Variants in CLIP4 observed in about 807,000 individuals in gnomAD.
The protein encoded by CLIP4 is CAP-Gly domain containing linker protein family member 4, also known as CAP-Gly domain-containing linker protein 4.
A neutral mutation model predicts 73.1 loss-of-function variants in CLIP4; 47 were observed. The ratio of observed to expected loss-of-function variants is 0.64; its 90% CI spans 0.51 to 0.82. The LOEUF (loss-of-function observed/expected upper bound fraction) is 0.82, where lower values mean the gene tolerates loss of function less well. Among genes scored for constraint, CLIP4 ranks in the 40% least tolerant of loss-of-function variants. The pLI is 0.00. For synonymous variants in CLIP4, 306 were observed against 295.4 expected (o/e 1.04, Z -0.37); for missense variants, 874 against 852.9 (o/e 1.02, Z -0.31).
chr2:29,152,751 C>T lies in CLIP4; in HGVS notation c.1088C>T (p.Pro363Leu). The T allele has an allele frequency of 6.2e-7, 1 of 1,613,778 alleles. No homozygotes were observed. Among genetic ancestry groups the T allele is most frequent in the Non-Finnish European group, 8.5e-7 (1 of 1,179,812 alleles). Residue 363 changes from proline to leucine, a missense_variant, in exon 9 of 16, where the codon CCT becomes CTT. Transcript: ENST00000320081. ...CGAAGGAAGAATATAACACACACTCCTTCTACAAAAGCTGCTGTACCTCTC... is the reference window on the plus strand; with the variant it reads ...CGAAGGAAGAATATAACACACACTCTTTCTACAAAAGCTGCTGTACCTCTC... ...KGRRKNITHT[P>L]STKAAVPLIR...
intron 3 of CLIP4, 76 bp from the exon 4 acceptor site, chr2:29,132,076 G>A: frequency 9.9e-7 from 1 of 1,009,344 alleles, no homozygotes; most frequent in African/African-American, 1.6e-5. Context: ...GACTAACTTG[G>A]TTCCTCAGCA....
chr2:29,133,440 A>T (rs551580827), intron 4 of CLIP4, among the ~76,000 whole-genome samples: 1 of 152,212 alleles, frequency 6.6e-6, no homozygotes, highest in Admixed American at 6.5e-5. Flanking sequence ...TATATTAACA[A>T]TAAGAGTGCA....
Position 29,163,964 on chromosome 2 carries a change from T to G in CLIP4, c.1658+10T>G, listed in dbSNP as rs1573003059. ...CATCCAGGGTGCAAAGGTGAGAGAA[T>G]GAAATTTATGTTTATTTACAGAAAC... is the stretch of plus-strand genomic sequence containing the variant. On this transcript the variant is annotated intron_variant, in intron 13 of 15. Transcript: ENST00000320081. The G allele has an allele frequency of 6.2e-6, 10 of 1,607,016 alleles. No individual in the cohort carries two copies. The East Asian group carries it at 2.2e-4, about 36-fold the overall frequency.
chr2:29,142,189 A>C (rs1244017240), intron 6 of CLIP4, among the ~76,000 whole-genome samples: 2 of 152,272 alleles, frequency 1.3e-5, no homozygotes, highest in South Asian at 2.1e-4. Context: ...TTATAGGTCC[A>C]GTCTGGTGGT....
At chr2:29,108,427 C>A (rs138490297) in intron 1 of CLIP4, among the ~76,000 whole-genome samples, 1 of 152,044 alleles carries the variant, frequency 6.6e-6, no homozygotes, top group Non-Finnish European at 1.5e-5. Context: ...AGATCCCAGG[C>A]GGGACGGGGC....
At chr2:29,127,845 T>A (rs1664709591) in intron 2 of CLIP4, among the ~76,000 whole-genome samples, 1 of 152,158 alleles carries the variant, frequency 6.6e-6, no homozygotes, top group African/African-American at 2.4e-5. Flanking sequence ...AAAATGTCCA[T>A]AGTTACAGAT....
chr2:29,147,943 A>G (rs557041533), intron 8 of CLIP4, among the ~76,000 whole-genome samples: 42 of 152,296 alleles, frequency 2.8e-4, no homozygotes, highest in African/African-American at 9.9e-4. Context: ...CAAGCAGATT[A>G]AGGGCAGGAT....
At chr2:29,136,952 C>G (rs1180022680) in intron 6 of CLIP4, among the ~76,000 whole-genome samples, 1 of 149,386 alleles carries the variant, frequency 6.7e-6, no homozygotes, top group African/African-American at 2.5e-5. Context: ...AAAATAACTA[C>G]TTAAAAAAAA....
intron 1 of CLIP4, among the ~76,000 whole-genome samples, chr2:29,118,912 G>C (rs1664063577): frequency 6.6e-6 from 1 of 152,162 alleles, no homozygotes; most frequent in South Asian, 2.1e-4. Context: ...ATGAAAGTGT[G>C]TACTCAGTTC....
chr2:29,109,712 A>G (rs528829073), intron 1 of CLIP4, among the ~76,000 whole-genome samples: 2 of 152,236 alleles, frequency 1.3e-5, no homozygotes, highest in East Asian at 3.9e-4. Flanking sequence ...GGAACATGCA[A>G]ATTCCTTTGT....
intron 14 of CLIP4, 91 bp downstream of exon 14, chr2:29,167,631 G>T: frequency 1.2e-6 from 1 of 835,264 alleles, no homozygotes; most frequent in Non-Finnish European, 1.8e-6. Flanking sequence ...ATACAAAAGG[G>T]TCTATAAACT....
chr2:29,144,025 T>A (rs1443869738), intron 7 of CLIP4, 80 bp downstream of exon 7: 14 of 1,156,854 alleles, frequency 1.2e-5, no homozygotes, highest in Non-Finnish European at 1.8e-5. Flanking sequence ...ATGGTCAGAG[T>A]TTTGAGTTTT....
chr2:29,145,556 G>C (rs1474462141), intron 8 of CLIP4, among the ~76,000 whole-genome samples, 189 bp downstream of exon 8: 1 of 152,188 alleles, frequency 6.6e-6, no homozygotes. Context: ...GGCGACGTGA[G>C]AGGGAGAAAT....
At chr2:29,149,588 C>CAGTT (rs1666410091) in intron 8 of CLIP4, among the ~76,000 whole-genome samples, 1 of 151,662 alleles carries the variant, frequency 6.6e-6, no homozygotes, top group African/African-American at 2.4e-5. Flanking sequence ...TTAAGCCTTA[C>CAGTT]AGTTACATGT....
At chr2:29,168,497 A>G (rs1338327061) in intron 14 of CLIP4, among the ~76,000 whole-genome samples, 1 of 146,922 alleles carries the variant, frequency 6.8e-6, no homozygotes, top group Admixed American at 6.8e-5. Context: ...ATAGCAAAAC[A>G]GGTTATGGTT....
At chr2:29,164,922 T>C (rs1316737635) in intron 13 of CLIP4, among the ~76,000 whole-genome samples, 1 of 152,248 alleles carries the variant, frequency 6.6e-6, no homozygotes. Context: ...GTTTATAAAG[T>C]ATTTTCACTT....
chr2:29,123,069 C>G (rs992253041), intron 2 of CLIP4, among the ~76,000 whole-genome samples: 1 of 152,154 alleles, frequency 6.6e-6, no homozygotes, highest in African/African-American at 2.4e-5. Flanking sequence ...AAATTGGTCT[C>G]CCTGAAATTT....
At chr2:29,167,009 G>T (rs1376247690) in intron 13 of CLIP4, among the ~76,000 whole-genome samples, 1 of 152,148 alleles carries the variant, frequency 6.6e-6, no homozygotes, top group Non-Finnish European at 1.5e-5. Flanking sequence ...TTGTGGCTTA[G>T]AGTCAAGTAT....
chr2:29,172,742 A>T (rs555360717), intron 14 of CLIP4, among the ~76,000 whole-genome samples: 37 of 152,110 alleles, frequency 2.4e-4, no homozygotes, highest in Admixed American at 2.2e-3. Context: ...GCGCTCTCAT[A>T]TTTCTCACAA....
Sources: gnomAD v4.1 joint callset for allele counts (sites outside exome capture counted in the v4.1 genomes callset) on GRCh38, gnomAD v4.1.1 for gene constraint, MANE v1.5 for transcripts, NCBI Gene and HGNC (gene_info 2026-07-23, HGNC 2026-07-21) for gene names.